Variants in KIF5A observed in about 807,000 individuals in gnomAD.
The protein encoded by KIF5A is kinesin heavy chain isoform 5A.
In KIF5A, 35 loss-of-function variants were observed where a neutral mutation model predicts 141.3. That is an observed-to-expected ratio of 0.25 (90% confidence interval 0.19 to 0.33). KIF5A has a LOEUF of 0.33. KIF5A is among the 10% of genes least tolerant of loss of function. The pLI, the probability that KIF5A is intolerant of heterozygous loss-of-function variation, is 1.00. For missense variants in KIF5A, 861 were observed against 1,314.3 expected, an observed-to-expected ratio of 0.66 and a Z score of 5.33; for synonymous variants, 448 against 500.2, an observed-to-expected ratio of 0.90 and a Z score of 1.39.
Position 57,567,117 on chromosome 12 carries a change from C to T in KIF5A, c.502-9C>T, listed in dbSNP as rs755065220. 6.3e-6 allele frequency: 10 copies of T among 1,588,236 alleles called. No homozygotes were observed. Among genetic ancestry groups the T allele is most frequent in the Admixed American group, 1.7e-5 (1 of 59,886 alleles). ...AGCTTATGGGTCACTGTCCATTTGT[C>T]CCCCACAGGGTTGTACTGAACGCTT... is the stretch of plus-strand genomic sequence containing the variant. On this transcript the variant is annotated splice_polypyrimidine_tract_variant and intron_variant, in intron 6 of 28. Coordinates refer to ENST00000455537, the MANE Select transcript of KIF5A (RefSeq NM_004984.4).
intron 23 of KIF5A, among the ~76,000 whole-genome samples, chr12:57,579,708 TC>T (rs1323497323): frequency 2.0e-5 from 3 of 152,188 alleles, no homozygotes; most frequent in Admixed American, 6.5e-5. Flanking sequence ...GCATTCACTT[TC>T]CCTCTCTGTC....
chr12:57,586,400 C>T lies in KIF5A; in HGVS notation c.*2219C>T, dbSNP rs1324816540. The T allele has an allele frequency of 6.6e-6, 1 of 152,322 alleles. No individual in the cohort carries two copies. Among genetic ancestry groups the T allele is most frequent in the East Asian group, 1.9e-4 (1 of 5,196 alleles). 9.4% of individuals were successfully genotyped at this position (152,322 alleles called of 1,614,324 possible). ...ACATAAAAAAGAAACAACACACACG[C>T]AAACCCTTCACCAGAAGCTTCACAC... On this transcript the variant is annotated 3_prime_UTR_variant, in exon 29 of 29. Transcript: ENST00000455537.
At chr12:57,551,407 C>T (rs1881568797) in intron 1 of KIF5A, among the ~76,000 whole-genome samples, 1 of 152,196 alleles carries the variant, frequency 6.6e-6, no homozygotes, top group African/African-American at 2.4e-5. Context: ...CTGCAAACCT[C>T]CCATCTCTTC....
At chr12:57,558,571 G>C (rs1237650828) in intron 1 of KIF5A, among the ~76,000 whole-genome samples, 2 of 152,214 alleles carry the variant, frequency 1.3e-5, no homozygotes, top group Non-Finnish European at 2.9e-5. Context: ...CTACTCTGGA[G>C]GCTGAAGCAG....
At chr12:57,563,551 C>T in intron 2 of KIF5A, 25 bp downstream of exon 2, 4 of 1,606,726 alleles carry the variant, frequency 2.5e-6, no homozygotes, top group Non-Finnish European at 3.4e-6. Flanking sequence ...TTTAGAATGT[C>T]TCTTCTCAGC....
chr12:57,569,786 G>C, intron 11 of KIF5A, 103 bp downstream of exon 11: 1 of 1,533,832 alleles, frequency 6.5e-7, no homozygotes, highest in African/African-American at 1.4e-5. Context: ...CAATCTCCTA[G>C]AAGAGGGGCT....
chr12:57,577,248 T>C (rs1380581178), intron 20 of KIF5A, among the ~76,000 whole-genome samples: 2 of 152,210 alleles, frequency 1.3e-5, no homozygotes, highest in Non-Finnish European at 2.9e-5. Flanking sequence ...CTTATGTCTC[T>C]CTTTAAAATT....
Position 57,572,135 on chromosome 12 carries a change from C to G in KIF5A, c.1437C>G (p.Ala479=), listed in dbSNP as rs369229819. The change falls in exon 14 of 29, where the codon GCC becomes GCG. Residue 479 remains alanine (A), a synonymous_variant. Coordinates refer to ENST00000455537, the MANE Select transcript of KIF5A (RefSeq NM_004984.4). The surrounding 1 kb of genome is among the most constrained non-coding windows in gnomAD (Gnocchi z 4.2). ...ELSHLQSEND[A]AKDEVKEVLQ... Reference sequence around the variant, plus strand: ...GCCACCTGCAATCAGAGAACGATGCCGCTAAGGATGAGGTGAAGGAAGTGC... The same window carrying G: ...GCCACCTGCAATCAGAGAACGATGCGGCTAAGGATGAGGTGAAGGAAGTGC... 2.5e-6 allele frequency: 4 copies of G among 1,614,102 alleles called. No homozygotes were observed. Among genetic ancestry groups the G allele is most frequent in the Non-Finnish European group, 3.4e-6 (4 of 1,180,016 alleles).
Position 57,571,380 on chromosome 12 carries a change from C to T in KIF5A, c.1353C>T (p.Asp451=). The change falls in exon 13 of 29, where the codon GAC becomes GAT. Residue 451 remains aspartate, a synonymous_variant. Coordinates refer to ENST00000455537, the MANE Select transcript of KIF5A (RefSeq NM_004984.4). ...AGAAGCTCAAGCAGCAAATGCTGGA[C>T]CAGGAAGAGGTAATAGGAGGGAGGG... ...LIEKLKQQML[D]QEELLVSTRG... 2 of 1,613,502 alleles carry T rather than the reference C, an allele frequency of 1.2e-6. No homozygotes were observed. The highest frequency in any genetic ancestry group is 1.7e-6 in the Non-Finnish European group (2 of 1,179,810).
intron 15 of KIF5A, among the ~76,000 whole-genome samples, chr12:57,573,626 T>C (rs1465151059): frequency 6.6e-6 from 1 of 151,436 alleles, no homozygotes; most frequent in African/African-American, 2.4e-5. Context: ...GGTCAGGAGT[T>C]CGAGACCAGC....
intron 24 of KIF5A, 37 bp from the exon 25 acceptor site, chr12:57,581,378 A>T (rs753269437): frequency 8.1e-6 from 13 of 1,612,424 alleles, no homozygotes; most frequent in Non-Finnish European, 1.1e-5. Flanking sequence ...ATGCAGGGTC[A>T]TAGCCTCCTC....
intron 23 of KIF5A, among the ~76,000 whole-genome samples, chr12:57,579,979 G>T (rs942032791): frequency 1.3e-5 from 2 of 152,140 alleles, no homozygotes; most frequent in Non-Finnish European, 2.9e-5. Context: ...AGAGTAAAAA[G>T]GAAAAGGAGA....
In KIF5A at chr12:57,564,978, G is replaced by A; in HGVS notation, c.501+5G>A. On this transcript the variant is annotated splice_donor_5th_base_variant and intron_variant, in intron 6 of 28. Coordinates refer to ENST00000455537, the MANE Select transcript of KIF5A (RefSeq NM_004984.4). ...AACCGGGTGCCATTTGTCAAGGTGA[G>A]AGTGGGTGTGGGGCACCTATGTGGG... 6.2e-7 allele frequency: 1 copy of A among 1,614,008 alleles called. No individual in the cohort carries two copies. Among genetic ancestry groups the A allele is most frequent in the Non-Finnish European group, 8.5e-7 (1 of 1,179,836 alleles).
chr12:57,569,178 G>A (rs1882165088), intron 9 of KIF5A, 78 bp from the exon 10 acceptor site: 1 of 1,586,714 alleles, frequency 6.3e-7, no homozygotes, highest in Non-Finnish European at 8.7e-7. Flanking sequence ...TGATCCCGGG[G>A]TGGCACCACT....
intron 1 of KIF5A, among the ~76,000 whole-genome samples, chr12:57,561,285 CT>C (rs1394843962): frequency 1.3e-5 from 2 of 152,190 alleles, no homozygotes; most frequent in South Asian, 4.1e-4. Context: ...AGTAATCTGC[CT>C]GCCTCAGCCT....
At chr12:57,557,581 G>A (rs1353682360) in intron 1 of KIF5A, among the ~76,000 whole-genome samples, 3 of 151,644 alleles carry the variant, frequency 2.0e-5, no homozygotes, top group Non-Finnish European at 4.4e-5. Context: ...ATATACATAT[G>A]TTAATTTTAA....
At chr12:57,551,997 T>TAAAA (rs200066434) in intron 1 of KIF5A, among the ~76,000 whole-genome samples, 114 of 151,804 alleles carry the variant, frequency 7.5e-4, no homozygotes, top group Non-Finnish European at 5.3e-4. Context: ...CTGGCTGGGC[T>TAAAA]AAAAACAAAA....
intron 1 of KIF5A, among the ~76,000 whole-genome samples, chr12:57,556,305 A>AT (rs1174620268): frequency 6.6e-6 from 1 of 151,776 alleles, no homozygotes. Flanking sequence ...CGCCCGGCTA[A>AT]TTTTTTGTAT....
chr12:57,580,855 C>A (rs1882572905), intron 23 of KIF5A, 101 bp from the exon 24 acceptor site: 1 of 1,068,728 alleles, frequency 9.4e-7, no homozygotes, highest in South Asian at 1.3e-5. Context: ...CCTGATTTTT[C>A]TTTATTCTCT....
Sources: allele counts gnomAD v4.1 joint callset (sites outside exome capture counted in the v4.1 genomes callset), GRCh38; gene constraint gnomAD v4.1.1; non-coding constraint Gnocchi (gnomAD v3.1); transcripts MANE v1.5; gene names NCBI Gene and HGNC (gene_info 2026-07-23, HGNC 2026-07-21).